RAD50: variants seen among roughly 807,000 people sequenced by gnomAD.
RAD50 encodes RAD50 double strand break repair protein, also known as DNA repair protein RAD50.
Under a neutral mutation model 168.8 loss-of-function variants are expected in RAD50, and 132 were observed. That is an observed-to-expected ratio of 0.78 (90% CI 0.68 to 0.90). The LOEUF (loss-of-function observed/expected upper bound fraction) is 0.90, where lower values mean the gene tolerates loss of function less well. Among genes scored for constraint, RAD50 ranks in the 40% least tolerant of loss-of-function variants. The pLI is 0.00. For synonymous variants in RAD50, 525 were observed against 497.4 expected (o/e 1.06, Z -0.74); for missense variants, 1,347 against 1,534.4 (o/e 0.88, Z 2.04).
chr5:132,592,831 T>C (rs1260567498), intron 11 of RAD50: 1 of 471,128 alleles, frequency 2.1e-6, no homozygotes, highest in South Asian at 1.5e-5. Flanking sequence ...CTTTAGGAAC[T>C]TGATCCCACT....
chr5:132,591,361 TCATAC>T lies in RAD50; in HGVS notation c.1591_1595del (p.His531AsnfsTer15). On this transcript the variant is annotated frameshift_variant, in exon 10 of 25. Transcript: ENST00000378823. LOFTEE classifies it high-confidence loss of function. ...ACCAGGAGATGGAGCAGTTAAACCA[TCATAC>T]AACAACACGTACCCAAATGGAGATG... The T allele has an allele frequency of 6.2e-7, 1 of 1,613,924 alleles. No homozygotes were observed. Among genetic ancestry groups the T allele is most frequent in the Admixed American group, 1.7e-5 (1 of 60,008 alleles).
At chr5:132,561,392 C>T (rs1196777036) in intron 2 of RAD50, among the ~76,000 whole-genome samples, 1 of 152,094 alleles carries the variant, frequency 6.6e-6, no homozygotes, top group Non-Finnish European at 1.5e-5. Flanking sequence ...GGGGTTTCAT[C>T]ATGTTGGCCA....
At chr5:132,629,886 A>C (rs1581015532) in intron 21 of RAD50, among the ~76,000 whole-genome samples, 1 of 152,190 alleles carries the variant, frequency 6.6e-6, no homozygotes, top group East Asian at 1.9e-4. Flanking sequence ...AAAGGGGGAA[A>C]TTATCCATCA....
intron 21 of RAD50, among the ~76,000 whole-genome samples, chr5:132,630,227 A>G (rs1000597456): frequency 5.9e-5 from 9 of 152,070 alleles, no homozygotes; most frequent in Non-Finnish European, 1.2e-4. Flanking sequence ...TATTTTTAGT[A>G]GAGACGGGGT....
chr5:132,562,757 C>T (rs749996592), intron 2 of RAD50, among the ~76,000 whole-genome samples: 2 of 151,954 alleles, frequency 1.3e-5, no homozygotes, highest in Non-Finnish European at 2.9e-5. Flanking sequence ...ATTTTTAAAG[C>T]CTGATGAGAT....
At chr5:132,577,777 A>G (rs565200559) in intron 3 of RAD50, among the ~76,000 whole-genome samples, 1 of 99,154 alleles carries the variant, frequency 1.0e-5, no homozygotes, top group South Asian at 3.3e-4. Context: ...AGACCCATTT[A>G]CCCAGACCTA....
At chr5:132,598,450 A>G (rs1750830271) in intron 13 of RAD50, among the ~76,000 whole-genome samples, 1 of 152,196 alleles carries the variant, frequency 6.6e-6, no homozygotes, top group South Asian at 2.1e-4. Context: ...ATGAATGAGA[A>G]CTGTAATGTC....
chr5:132,642,632 T>G lies in RAD50; in HGVS notation c.*268T>G, dbSNP rs1751754858. 1.9e-6 allele frequency: 1 copy of G among 515,200 alleles called. No individual in the cohort carries two copies. The highest frequency in any genetic ancestry group is 1.9e-5 in the African/African-American group (1 of 52,530). The allele number at this position is 515,200 out of a possible 1,614,324, so 31.9% of individuals were successfully genotyped here. A position where few individuals can be genotyped will look rare whatever the true frequency, so the allele number is the denominator to read the frequency against. On this transcript the variant is annotated 3_prime_UTR_variant, in exon 25 of 25. Transcript: ENST00000378823. ...CAGGGTTCAGCAGTACAGCCGAGAC[T>G]CGACTCTGTGCCTCCCTCCCCAGTG... is the stretch of plus-strand genomic sequence containing the variant.
In RAD50 at chr5:132,557,530, CCTT is replaced by C. The variant is rs1284039665; in HGVS notation, c.129+78_129+80del. ...AATAAAATGGGAAGTTGAGAACTCTCCTTAGGAGCAGAAGCGTCCCTAGGGCTC... is the reference window on the plus strand; with the variant it reads ...AATAAAATGGGAAGTTGAGAACTCTCAGGAGCAGAAGCGTCCCTAGGGCTC... On this transcript the variant is annotated intron_variant, in intron 1 of 24. Transcript: ENST00000378823. The C allele has an allele frequency of 3.8e-6, 6 of 1,587,074 alleles. No individual in the cohort carries two copies. In the Admixed American group the frequency reaches 5.0e-5, roughly 13 times the overall value.
At chr5:132,589,895 T>A in intron 9 of RAD50, 58 bp downstream of exon 9, 1 of 1,423,824 alleles carries the variant, frequency 7.0e-7, no homozygotes, top group Non-Finnish European at 9.7e-7. Context: ...TAGAAGTATT[T>A]TGTCTATTTT....
rs1277596729 is a variant in RAD50, at chr5:132,557,332, G to A, written c.8G>A (p.Arg3Gln). The A allele has an allele frequency of 6.2e-7, 1 of 1,614,134 alleles. No individual in the cohort carries two copies. Among genetic ancestry groups the A allele is most frequent in the Non-Finnish European group, 8.5e-7 (1 of 1,179,960 alleles). The change falls in exon 1 of 25, where the codon CGG (arginine) becomes CAG (glutamine). Residue 3 changes from arginine to glutamine, a missense_variant. Arg to Gln is a conservative substitution (Grantham distance 43). Transcript: ENST00000378823. Reference sequence around the variant, plus strand: ...TTAGAAACGTTTGCAAACATGTCCCGGATCGAAAAGATGAGCATTCTGGGC... The same window carrying A: ...TTAGAAACGTTTGCAAACATGTCCCAGATCGAAAAGATGAGCATTCTGGGC... Reference protein sequence around the residue: MSRIEKMSILGVR... With the variant: MSQIEKMSILGVR...
chr5:132,629,887 T>G (rs1482521084), intron 21 of RAD50, among the ~76,000 whole-genome samples: 2 of 152,102 alleles, frequency 1.3e-5, no homozygotes, highest in African/African-American at 4.8e-5. Context: ...AAGGGGGAAA[T>G]TATCCATCAT....
At chr5:132,563,974 T>C (rs761671275) in intron 2 of RAD50, among the ~76,000 whole-genome samples, 13 of 152,214 alleles carry the variant, frequency 8.5e-5, no homozygotes, top group Non-Finnish European at 1.6e-4. Flanking sequence ...CTGCCATGAT[T>C]GTAAGTTTCC....
intron 2 of RAD50, among the ~76,000 whole-genome samples, chr5:132,570,801 T>G (rs1488413376): frequency 2.6e-5 from 4 of 152,248 alleles, no homozygotes; most frequent in Non-Finnish European, 5.9e-5. Context: ...AACTTTTCCT[T>G]TGCCCTCACA....
Position 132,643,566 on chromosome 5 carries a change from A to C in RAD50, c.*1202A>C. 1 of 232,710 alleles carries C rather than the reference A, an allele frequency of 4.3e-6. No homozygotes were observed. Among genetic ancestry groups the C allele is most frequent in the East Asian group, 6.1e-5 (1 of 16,428 alleles). The allele number at this position is 232,710 out of a possible 1,614,324, so 14.4% of individuals were successfully genotyped here. A position where few individuals can be genotyped will look rare whatever the true frequency, so the allele number is the denominator to read the frequency against. ...AAGAGAATTAAGCCCTAAGGTCCTA[A>C]GGCATCTATCTGTGCTAGGTTAAAT... On this transcript the variant is annotated 3_prime_UTR_variant, in exon 25 of 25. Transcript: ENST00000378823.
At chr5:132,557,730 C>T (rs1422496602) in intron 1 of RAD50, among the ~76,000 whole-genome samples, 1 of 152,120 alleles carries the variant, frequency 6.6e-6, no homozygotes, top group African/African-American at 2.4e-5. Context: ...GTTCAGTTCC[C>T]ACTGGATGCC....
chr5:132,558,890 G>A (rs912665541), intron 1 of RAD50, among the ~76,000 whole-genome samples: 1 of 152,164 alleles, frequency 6.6e-6, no homozygotes, highest in Non-Finnish European at 1.5e-5. Flanking sequence ...CTGGGCAGCA[G>A]AATGAGACCC....
chr5:132,637,080 T>C (rs1431991055), intron 21 of RAD50, 35 bp from the exon 22 acceptor site: 2 of 1,518,344 alleles, frequency 1.3e-6, no homozygotes, highest in Admixed American at 1.8e-5. Context: ...AATTATTTTT[T>C]ATATATATGA....
intron 21 of RAD50, among the ~76,000 whole-genome samples, chr5:132,619,903 G>GAGAGATAT (rs1554099998): frequency 7.4e-6 from 1 of 135,098 alleles, no homozygotes; most frequent in African/African-American, 3.1e-5. Flanking sequence ...GAGAGAGAGA[G>GAGAGATAT]ATATATCTTT....
Sources: gnomAD v4.1 joint callset for allele counts (sites outside exome capture counted in the v4.1 genomes callset) on GRCh38, gnomAD v4.1.1 for gene constraint, MANE v1.5 for transcripts, NCBI Gene and HGNC (gene_info 2026-07-23, HGNC 2026-07-21) for gene names.